RAB3GAP1: variants seen among roughly 807,000 people sequenced by gnomAD.
RAB3GAP1 encodes the protein RAB3 GTPase activating protein catalytic subunit 1, also known as rab3 GTPase-activating protein catalytic subunit.
A neutral mutation model predicts 130.7 loss-of-function variants in RAB3GAP1; 86 were observed. That is an observed-to-expected ratio of 0.66 (90% CI 0.55 to 0.79). The LOEUF (loss-of-function observed/expected upper bound fraction) is 0.79, where lower values mean the gene tolerates loss of function less well. Among genes scored for constraint, RAB3GAP1 ranks in the 30% least tolerant of loss-of-function variants. RAB3GAP1 has a pLI of 0.00. For missense variants in RAB3GAP1, 1,029 were observed against 1,169.4 expected (o/e 0.88, Z 1.75); for synonymous variants, 367 against 401.7 (o/e 0.91, Z 1.03).
intron 19 of RAB3GAP1, among the ~76,000 whole-genome samples, chr2:135,158,798 A>C (rs1692386112): frequency 6.6e-6 from 1 of 152,212 alleles, no homozygotes; most frequent in African/African-American, 2.4e-5. Flanking sequence ...ATCACCAATG[A>C]GGAGTAAATG....
chr2:135,130,423 T>G (rs539458200), intron 12 of RAB3GAP1, 129 bp from the exon 13 acceptor site: 6 of 774,050 alleles, frequency 7.8e-6, no homozygotes, highest in African/African-American at 5.3e-5. Flanking sequence ...TAATATTTTA[T>G]AATTCCAAGA....
intron 3 of RAB3GAP1, among the ~76,000 whole-genome samples, chr2:135,078,166 T>C (rs1689683457): frequency 1.3e-5 from 2 of 152,200 alleles, no homozygotes; most frequent in South Asian, 2.1e-4. Context: ...AGATTTATAG[T>C]TTTTAGCTCT....
At chr2:135,147,241 G>A (rs185736923) in intron 17 of RAB3GAP1, among the ~76,000 whole-genome samples, 1 of 151,928 alleles carries the variant, frequency 6.6e-6, no homozygotes, top group African/African-American at 2.4e-5. Context: ...AGCAACTGGG[G>A]AGGCTGAGGC....
chr2:135,128,010 A>G (rs982341524), intron 11 of RAB3GAP1, among the ~76,000 whole-genome samples: 16 of 152,138 alleles, frequency 1.1e-4, no homozygotes, highest in African/African-American at 3.4e-4. Flanking sequence ...TTAACTCTCT[A>G]TCACTTGATA....
chr2:135,163,124 A>T (rs773458165), intron 22 of RAB3GAP1, 23 bp downstream of exon 22: 1 of 1,554,726 alleles, frequency 6.4e-7, no homozygotes, highest in East Asian at 2.2e-5. Flanking sequence ...TGGCTAATTC[A>T]GTTTTGTCTG....
At chr2:135,144,314 C>T (rs1168890007) in intron 17 of RAB3GAP1, among the ~76,000 whole-genome samples, 1 of 151,178 alleles carries the variant, frequency 6.6e-6, no homozygotes, top group Non-Finnish European at 1.5e-5. Flanking sequence ...GGTGGTCTCC[C>T]ACCTGAAGTC....
intron 7 of RAB3GAP1, among the ~76,000 whole-genome samples, chr2:135,117,931 C>G (rs1398289257): frequency 1.3e-5 from 2 of 151,924 alleles, no homozygotes; most frequent in African/African-American, 4.8e-5. Context: ...CAGCTCACTG[C>G]AGCCTCGACC....
chr2:135,106,596 T>C (rs1198325767), intron 5 of RAB3GAP1, among the ~76,000 whole-genome samples: 2 of 151,826 alleles, frequency 1.3e-5, no homozygotes, highest in African/African-American at 2.4e-5. Context: ...ATCTCAAGTA[T>C]CCAGGGACAC....
intron 19 of RAB3GAP1, 72 bp from the exon 20 acceptor site, chr2:135,162,483 G>A: frequency 8.7e-7 from 1 of 1,152,228 alleles, no homozygotes; most frequent in Non-Finnish European, 1.3e-6. Context: ...CTGAGGATTT[G>A]CACTTCTGTA....
chr2:135,122,115 A>G (rs1463808831), intron 8 of RAB3GAP1, among the ~76,000 whole-genome samples: 4 of 152,106 alleles, frequency 2.6e-5, no homozygotes, highest in African/African-American at 9.7e-5. Flanking sequence ...AAAAAAATTA[A>G]TGTAATATAT....
chr2:135,071,458 CTTTCTGT>C (rs1366170528), intron 3 of RAB3GAP1, among the ~76,000 whole-genome samples: 1 of 151,522 alleles, frequency 6.6e-6, no homozygotes, highest in Non-Finnish European at 1.5e-5. Context: ...CTTTGAATTC[CTTTCTGT>C]TGTGGGTACG....
intron 3 of RAB3GAP1, among the ~76,000 whole-genome samples, chr2:135,085,516 T>A (rs1225227744): frequency 6.6e-6 from 1 of 152,196 alleles, no homozygotes; most frequent in Non-Finnish European, 1.5e-5. Context: ...ATCTTTATCT[T>A]ACTGAGGTCT....
intron 5 of RAB3GAP1, among the ~76,000 whole-genome samples, chr2:135,103,007 A>G (rs1271677947): frequency 5.0e-5 from 3 of 59,944 alleles, no homozygotes; most frequent in Admixed American, 1.8e-4. Context: ...ACTCCGTCTG[A>G]AAAAAAAAAA....
At chr2:135,103,724 T>TG (rs142757910) in intron 5 of RAB3GAP1, among the ~76,000 whole-genome samples, 6,408 of 152,004 alleles carry the variant, frequency 0.042, 160 homozygotes, top group African/African-American at 0.057. Context: ...AATTCTTTGT[T>TG]GGCGGGGGAG....
chr2:135,164,847 T>G, intron 23 of RAB3GAP1, 151 bp downstream of exon 23: 2 of 652,038 alleles, frequency 3.1e-6, no homozygotes, highest in Non-Finnish European at 5.6e-6. Context: ...AACAATGACT[T>G]CTGAGTCTTC....
Position 135,153,877 on chromosome 2 carries a change from G to T in RAB3GAP1, c.2289+1G>T, listed in dbSNP as rs1243764579. ...TGATGATACACGGGAAGCAGAAAAG[G>T]TAATTGAGGTTTGAGTCTCTAATAC... is the stretch of plus-strand genomic sequence containing the variant. On this transcript the variant is annotated splice_donor_variant, in intron 19 of 23. Coordinates refer to ENST00000264158, the MANE Select transcript of RAB3GAP1 (RefSeq NM_012233.3). LOFTEE classifies it high-confidence loss of function. The T allele has an allele frequency of 1.2e-6, 2 of 1,612,410 alleles. No individual in the cohort carries two copies. Among genetic ancestry groups the T allele is most frequent in the Non-Finnish European group, 1.7e-6 (2 of 1,178,730 alleles).
Position 135,080,902 on chromosome 2 carries a change from TC to T in RAB3GAP1, c.151-10094del, listed in dbSNP as rs1450264947. ...TGTGCTTTTAGTGGGATGATCTTGA[TC>T]CAGGCTGAAGGCCAGCCAGGCCACC... is the stretch of plus-strand genomic sequence containing the variant. On this transcript the variant is annotated intron_variant, in intron 3 of 23. Coordinates refer to ENST00000264158, the MANE Select transcript of RAB3GAP1 (RefSeq NM_012233.3). Among the ~76,000 whole-genome samples, 3 of 152,176 alleles carry T rather than the reference TC, an allele frequency of 2.0e-5. No homozygotes were observed. The East Asian group carries it at 5.8e-4, about 29-fold the overall frequency.
At position 135,168,653 on chromosome 2, in the gene RAB3GAP1, A is replaced by C. The variant is rs1371061144; in HGVS notation, c.2818A>C (p.Ile940Leu). ...CCCACCCCCTGCTGGCCGGGAATTC[A>C]TTTTGCGCACCACTGTGCCGCGCCC... ...DFPPPAGREF[I>L]LRTTVPRPAP... is the part of the protein sequence containing the mutation. The change falls in exon 24 of 24, where the codon ATT becomes CTT. Residue 940 changes from isoleucine (I) to leucine (L), a missense_variant. By Grantham distance (5) the Ile-to-Leu change is conservative. Coordinates refer to ENST00000264158, the MANE Select transcript of RAB3GAP1 (RefSeq NM_012233.3). The C allele has an allele frequency of 6.2e-7, 1 of 1,614,022 alleles. No individual in the cohort carries two copies. The highest frequency in any genetic ancestry group is 1.7e-5 in the Admixed American group (1 of 60,000).
chr2:135,092,177 G>A (rs535127528), intron 4 of RAB3GAP1, among the ~76,000 whole-genome samples: 10 of 152,300 alleles, frequency 6.6e-5, no homozygotes, highest in South Asian at 2.1e-4. Flanking sequence ...AATTAAGCCA[G>A]AATGTGAATA....
Sources: gnomAD v4.1 joint callset for allele counts (sites outside exome capture counted in the v4.1 genomes callset) on GRCh38, gnomAD v4.1.1 for gene constraint, MANE v1.5 for transcripts, NCBI Gene and HGNC (gene_info 2026-07-23, HGNC 2026-07-21) for gene names.